The following CCDC73 variants were observed in gnomAD, a reference collection of about 807,000 sequenced individuals.
CCDC73 encodes the protein coiled-coil domain containing 73, also known as coiled-coil domain-containing protein 73.
CCDC73 carries 95 observed loss-of-function variants against 116.5 expected under a neutral mutation model. The observed-to-expected ratio is 0.82, with a 90% CI of 0.69 to 0.97. CCDC73 has a LOEUF of 0.97. CCDC73 is among the 50% of genes least tolerant of loss of function. The pLI is 0.00. For synonymous variants in CCDC73, 398 were observed against 401.3 expected (o/e 0.99, Z 0.10); for missense variants, 1,066 against 1,206.8 (o/e 0.88, Z 1.73).
the CCDC73 span, among the ~76,000 whole-genome samples, chr11:32,812,214 T>C: frequency 6.6e-6 from 1 of 152,232 alleles, no homozygotes; most frequent in Admixed American, 6.5e-5. Flanking sequence ...TCAACAGTAG[T>C]TTTATTTTAT....
intron 2 of CCDC73, among the ~76,000 whole-genome samples, chr11:32,744,832 T>G (rs182202170): frequency 2.0e-5 from 3 of 152,340 alleles, no homozygotes; most frequent in African/African-American, 7.2e-5. Flanking sequence ...TCTATCTACT[T>G]TGTTGATCTT....
intron 2 of CCDC73, among the ~76,000 whole-genome samples, chr11:32,720,617 C>G (rs1323357848): frequency 2.6e-5 from 4 of 151,922 alleles, no homozygotes; most frequent in African/African-American, 9.7e-5. Flanking sequence ...ATAGAAAATA[C>G]TAAGGAACCT....
intron 2 of CCDC73, chr11:32,758,378 G>T: frequency 2.0e-6 from 1 of 507,010 alleles, no homozygotes; most frequent in South Asian, 1.4e-5. Context: ...ATACCAAGAA[G>T]GTTAGGAAAG....
intron 9 of CCDC73, among the ~76,000 whole-genome samples, chr11:32,660,229 CAAAAAAAA>C (rs11310092): frequency 0.013 from 876 of 66,528 alleles, 16 homozygotes; most frequent in African/African-American, 0.049. Context: ...TTCTCTCTAC[CAAAAAAAA>C]AAAAAAAAAA....
At chr11:32,730,459 C>A (rs749808744) in intron 2 of CCDC73, among the ~76,000 whole-genome samples, 2 of 152,114 alleles carry the variant, frequency 1.3e-5, no homozygotes, top group Non-Finnish European at 2.9e-5. Flanking sequence ...GGTAGTTATT[C>A]TTTTAACATT....
chr11:32,759,165 C>T (rs996182274), intron 2 of CCDC73, among the ~76,000 whole-genome samples: 16 of 151,542 alleles, frequency 1.1e-4, no homozygotes, highest in East Asian at 1.9e-4. Context: ...TTTCTATATC[C>T]TTATTGCAAT....
chr11:32,760,887 A>G (rs1208650191), intron 1 of CCDC73, among the ~76,000 whole-genome samples: 2 of 152,224 alleles, frequency 1.3e-5, no homozygotes, highest in African/African-American at 4.8e-5. Context: ...TTGTATAACA[A>G]GAGTACAATA....
At chr11:32,825,391 C>T in the CCDC73 span, among the ~76,000 whole-genome samples, 1 of 146,034 alleles carries the variant, frequency 6.8e-6, no homozygotes, top group African/African-American at 2.5e-5. Flanking sequence ...CAACCTCCAC[C>T]TTCTGGGTTC....
intron 1 of CCDC73, among the ~76,000 whole-genome samples, chr11:32,791,991 TACAC>T (rs66955881): frequency 0.32 from 46,788 of 144,996 alleles, 7,409 homozygotes; most frequent in South Asian, 0.39. Context: ...CACACACACA[TACAC>T]ACACACACAC....
chr11:32,668,087 C>T (rs895133580), intron 9 of CCDC73, among the ~76,000 whole-genome samples: 2 of 152,188 alleles, frequency 1.3e-5, no homozygotes, highest in Non-Finnish European at 2.9e-5. Context: ...ATAATCCATG[C>T]AACCAGTATT....
chr11:32,665,715 T>G (rs1228085772), intron 9 of CCDC73, among the ~76,000 whole-genome samples: 1 of 152,206 alleles, frequency 6.6e-6, no homozygotes, highest in Non-Finnish European at 1.5e-5. Context: ...TGTTAGATGG[T>G]TATTTTCCTT....
At chr11:32,680,317 T>C (rs957736668) in intron 7 of CCDC73, 2 of 152,212 alleles carry the variant, frequency 1.3e-5, no homozygotes, top group African/African-American at 4.8e-5. Context: ...TTTATTGAGA[T>C]GATTAAGAAA....
At chr11:32,699,222 CTTTTTAA>C (rs1416949210) in intron 6 of CCDC73, 22 bp downstream of exon 6, 35 of 1,551,998 alleles carry the variant, frequency 2.3e-5, no homozygotes, top group Non-Finnish European at 3.1e-5. Flanking sequence ...TACCAAACTA[CTTTTTAA>C]ACAATACGTA....
At chr11:32,665,911 C>A (rs7126886) in intron 9 of CCDC73, among the ~76,000 whole-genome samples, 26,215 of 152,026 alleles carry the variant, frequency 0.17, 2,360 homozygotes, top group African/African-American at 0.21. Context: ...TTCTCCTTCA[C>A]TTATGAAGCT....
intron 12 of CCDC73, among the ~76,000 whole-genome samples, chr11:32,652,656 A>G (rs1209789468): frequency 2.0e-5 from 3 of 152,228 alleles, no homozygotes; most frequent in African/African-American, 7.2e-5. Context: ...TCATTTCCTT[A>G]TATATACTGG....
the CCDC73 span, among the ~76,000 whole-genome samples, chr11:32,817,635 G>T: frequency 6.6e-6 from 1 of 152,118 alleles, no homozygotes. Flanking sequence ...CTATTCTCCT[G>T]TTTAAAAATT....
chr11:32,776,997 A>ATATATATATATATATATACACATG (rs1850541924), intron 1 of CCDC73, among the ~76,000 whole-genome samples: 1 of 74,432 alleles, frequency 1.3e-5, no homozygotes, highest in Non-Finnish European at 3.1e-5. Context: ...ATGTATATAT[A>ATATATATATATATATATACACATG]TATATATATA....
chr11:32,614,376 G>A lies in CCDC73; in HGVS notation c.1942C>T (p.Arg648Trp), dbSNP rs376825549. The change falls in exon 16 of 18, where the codon CGG (arginine) becomes TGG (tryptophan). Residue 648 changes from arginine (R) to tryptophan (W), a missense_variant. By Grantham distance (101) the Arg-to-Trp change is moderately radical (BLOSUM62 -3). Transcript: ENST00000335185. ...NPVPCQKYSL[R>W]NSSNVMLDDK... The stretch of plus-strand genomic sequence containing the variant: ...TCTAACATAACATTACTTGAATTCC[G>A]TAAACTATATTTCTGACATGGAACA... 1.5e-5 allele frequency: 24 copies of A among 1,612,190 alleles called. No individual in the cohort carries two copies. Among genetic ancestry groups the A allele is most frequent in the South Asian group, 1.4e-4 (13 of 91,006 alleles).
chr11:32,793,977 T>C (rs763155119), intron 1 of CCDC73, among the ~76,000 whole-genome samples: 3 of 152,162 alleles, frequency 2.0e-5, no homozygotes, highest in Non-Finnish European at 4.4e-5. Context: ...CCCAGTGAGA[T>C]TCCATTTAAA....
Sources: allele counts gnomAD v4.1 joint callset (sites outside exome capture counted in the v4.1 genomes callset), GRCh38; gene constraint gnomAD v4.1.1; transcripts MANE v1.5; gene names NCBI Gene and HGNC (gene_info 2026-07-23, HGNC 2026-07-21).